The following HMX1 variants were observed in gnomAD, a reference collection of about 807,000 sequenced individuals.
HMX1 encodes the protein H6 family homeobox 1, also known as homeobox protein HMX1.
Under a neutral mutation model 8.9 loss-of-function variants are expected in HMX1, and 8 were observed. The ratio of observed to expected loss-of-function variants is 0.90; its 90% CI spans 0.53 to 1.63. The LOEUF is 1.63. HMX1 is among the 40% of genes most tolerant of loss of function. The pLI is 0.00. For missense variants in HMX1, 621 were observed against 558.5 expected, an observed-to-expected ratio of 1.11 and a Z score of -1.13; for synonymous variants, 311 against 283.4, an observed-to-expected ratio of 1.10 and a Z score of -0.98.
chr4:8,868,320 C>T lies in HMX1; in HGVS notation c.420G>A (p.Thr140=), dbSNP rs1722097544. 2 of 1,425,636 alleles carry T rather than the reference C, an allele frequency of 1.4e-6. No individual in the cohort carries two copies. The highest frequency in any genetic ancestry group is 5.8e-5 in the Admixed American group (2 of 34,452). The allele number at this position is 1,425,636 out of a possible 1,614,324, so 88.3% of individuals were successfully genotyped here. A position where few individuals can be genotyped will look rare whatever the true frequency, so the allele number is the denominator to read the frequency against. Residue 140 remains threonine, a synonymous_variant, in exon 2 of 2, where the codon ACG becomes ACA. Transcript: ENST00000400677. The surrounding 1 kb of genome is among the most constrained non-coding windows in gnomAD (Gnocchi z 4.6). ...PDTSDRDSPE[T]GEEMGRAEGA... is the part of the protein sequence containing the mutation. ...CCTCCGCACGGCCCATCTCCTCGCC[C>T]GTCTCCGGTGAGTCCCGGTCGCTGG...
rs182509379 is a variant in HMX1, at chr4:8,867,621, C to G, written c.*72G>C. 13,521 of 1,201,994 alleles carry G rather than the reference C, an allele frequency of 0.011. 93 individuals are homozygous for G. Among genetic ancestry groups the G allele is most frequent in the Non-Finnish European group, 0.013 (12,184 of 968,306 alleles). 74.5% of individuals were successfully genotyped at this position (1,201,994 alleles called of 1,614,324 possible). A position where few individuals can be genotyped will look rare whatever the true frequency, so the allele number is the denominator to read the frequency against. ...TCCCTTCCCTAACGCCCCCTGAGCC[C>G]TGCGCCTGCCGCTGAATCGCGCGTC... On this transcript the variant is annotated 3_prime_UTR_variant, in exon 2 of 2. Coordinates refer to ENST00000400677, the MANE Select transcript of HMX1 (RefSeq NM_018942.3).
In HMX1 at chr4:8,847,165, T is replaced by C. The variant is rs138988052; in HGVS notation, c.395-841A>G. ...AAGTACAAAGCCATTGAGCCGGGCGTGGTGAGGGATGCCTGTAATCCCAGC... is the reference window on the plus strand; with the variant it reads ...AAGTACAAAGCCATTGAGCCGGGCGCGGTGAGGGATGCCTGTAATCCCAGC... On this transcript the variant is annotated intron_variant, in intron 1 of 1. Transcript: ENST00000506970. This position sits in a 1 kb window ranked among gnomAD's most constrained non-coding sequence, Gnocchi z 6.0. Among the ~76,000 whole-genome samples the C allele has an allele frequency of 9.5e-4, 144 of 152,126 alleles. No homozygotes were observed. Among genetic ancestry groups the C allele is most frequent in the African/African-American group, 3.3e-3 (139 of 41,502 alleles).
downstream of HMX1, among the ~76,000 whole-genome samples, chr4:8,866,759 C>T (rs1722011595): frequency 6.6e-6 from 1 of 152,244 alleles, no homozygotes; most frequent in African/African-American, 2.4e-5. Context: ...TGGGCCTCTG[C>T]CTTCACCTGC....
rs921356519 is a variant in HMX1 at position 8,870,669 on chromosome 4, C to T, written c.394+552G>A. Among the ~76,000 whole-genome samples, 2 of 151,356 alleles carry T rather than the reference C, an allele frequency of 1.3e-5. No homozygotes were observed. The highest frequency in any genetic ancestry group is 1.3e-4 in the Admixed American group (2 of 15,212). On this transcript the variant is annotated intron_variant, in intron 1 of 1. Transcript: ENST00000400677. The surrounding 1 kb of genome is among the most constrained non-coding windows in gnomAD (Gnocchi z 4.4). The stretch of plus-strand genomic sequence containing the variant: ...CCTCCCCGGCCCCACCCCCACAACA[C>T]TGCACCCTCTGCTCAATGCCCCCTT...
chr4:8,858,226 C>T (rs547228956), intron 1 of HMX1, among the ~76,000 whole-genome samples: 2 of 152,200 alleles, frequency 1.3e-5, no homozygotes, highest in Admixed American at 1.3e-4. Flanking sequence ...TGCGGTTACG[C>T]GCGCGGAGCT....
chr4:8,859,189 G>C (rs4956757), intron 1 of HMX1: 37,380 of 149,812 alleles, frequency 0.25, 5,508 homozygotes, highest in East Asian at 0.65. Flanking sequence ...TCCAAGGCTG[G>C]CCCCCCCCCA....
chr4:8,868,244 C>T lies in HMX1; in HGVS notation c.496G>A (p.Glu166Lys). ...GCCGCCGGGCCACGCGCCGCCAGCT[C>T]CGCTGCCTCCCGCTGCACCGCTCCC... The part of the protein sequence containing the change: ...GPGAVQREAA[E>K]LAARGPAAGT... Residue 166 changes from glutamate to lysine, a missense_variant, in exon 2 of 2, where the codon GAG (glutamate) becomes AAG (lysine). Glu to Lys is a moderately conservative substitution (Grantham distance 56, BLOSUM62 1). Coordinates refer to ENST00000400677, the MANE Select transcript of HMX1 (RefSeq NM_018942.3). The surrounding 1 kb of genome is among the most constrained non-coding windows in gnomAD (Gnocchi z 4.6). The T allele has an allele frequency of 1.4e-6, 2 of 1,434,746 alleles. No individual in the cohort carries two copies. The highest frequency in any genetic ancestry group is 1.8e-6 in the Non-Finnish European group (2 of 1,100,346). The allele number at this position is 1,434,746 out of a possible 1,614,324, so 88.9% of individuals were successfully genotyped here. A position where few individuals can be genotyped will look rare whatever the true frequency, so the allele number is the denominator to read the frequency against.
chr4:8,868,825 C>T lies in HMX1; in HGVS notation c.395-480G>A, dbSNP rs950665643. 3.9e-5 allele frequency among the ~76,000 whole-genome samples: 6 copies of T among 152,152 alleles called. No individual in the cohort carries two copies. The highest frequency in any genetic ancestry group is 1.4e-4 in the African/African-American group (6 of 41,436). On this transcript the variant is annotated intron_variant, in intron 1 of 1. Coordinates refer to ENST00000400677, the MANE Select transcript of HMX1 (RefSeq NM_018942.3). This position sits in a 1 kb window ranked among gnomAD's most constrained non-coding sequence, Gnocchi z 4.6. ...AACAAGCACAGGACACCCCCTGCCA[C>T]CTGGCATCCAGCCCCACGCCAAGCT...
At chr4:8,855,862 G>C (rs1396010877) in intron 1 of HMX1, among the ~76,000 whole-genome samples, 1 of 152,158 alleles carries the variant, frequency 6.6e-6, no homozygotes, top group Admixed American at 6.5e-5. Flanking sequence ...CTGAAAGCAG[G>C]ATCCAGCGGG....
At position 8,860,448 on chromosome 4, in the gene HMX1, A is replaced by T. The variant is rs1197463947; in HGVS notation, c.394+10773T>A. On this transcript the variant is annotated intron_variant, in intron 1 of 1. Coordinates refer to the HMX1 transcript ENST00000506970. ...CCCCGCTACGATGACCACTCCGCAG[A>T]TGGGCAAGACGGGCTCAGAGAGATG... is the stretch of plus-strand genomic sequence containing the variant. Among the ~76,000 whole-genome samples the T allele has an allele frequency of 2.0e-5, 3 of 152,232 alleles. No individual in the cohort carries two copies. In the South Asian group the frequency reaches 6.2e-4, roughly 31 times the overall value.
chr4:8,866,264 C>A (rs560718359), downstream of HMX1, among the ~76,000 whole-genome samples: 1 of 152,350 alleles, frequency 6.6e-6, no homozygotes, highest in Admixed American at 6.5e-5. Flanking sequence ...CCAAGACCAG[C>A]GTATGGCCCG....
At chr4:8,860,038 G>A (rs1011706948) in intron 1 of HMX1, among the ~76,000 whole-genome samples, 1 of 152,222 alleles carries the variant, frequency 6.6e-6, no homozygotes, top group South Asian at 2.1e-4. Context: ...CGGGGCCAAC[G>A]GCGGTGCTGA....
Position 8,867,773 on chromosome 4 carries a change from C to T in HMX1, c.967G>A (p.Ala323Thr), listed in dbSNP as rs1272476337. The change falls in exon 2 of 2, where the codon GCC (alanine) becomes ACC (threonine). Residue 323 changes from alanine to threonine, a missense_variant. Ala to Thr is a moderately conservative substitution (Grantham distance 58, BLOSUM62 0). Transcript: ENST00000400677. The stretch of plus-strand genomic sequence containing the variant: ...AAGGCGGCCAGCGGGTAGGCGAGGG[C>T]CCCGGAGAAGCCGAGCAGCGGTGGG... ...PPPPLLGFSG[A>T]LAYPLAAFPA... 1.9e-5 allele frequency: 24 copies of T among 1,272,402 alleles called. No homozygotes were observed. In the Admixed American group the frequency reaches 2.4e-4, roughly 12 times the overall value. 78.8% of individuals were successfully genotyped at this position (1,272,402 alleles called of 1,614,324 possible).
intron 1 of HMX1, among the ~76,000 whole-genome samples, chr4:8,858,112 C>CG (rs1357084296): frequency 6.6e-6 from 1 of 151,876 alleles, no homozygotes; most frequent in Non-Finnish European, 1.5e-5. Flanking sequence ...GCAGGCCGAC[C>CG]GCCCCCAAGC....
chr4:8,871,481 T>C lies in HMX1; in HGVS notation c.134A>G (p.Glu45Gly). The C allele has an allele frequency of 7.5e-7, 1 of 1,341,318 alleles. No individual in the cohort carries two copies. Among genetic ancestry groups the C allele is most frequent in the Non-Finnish European group, 9.6e-7 (1 of 1,040,454 alleles). The allele number at this position is 1,341,318 out of a possible 1,614,324, so 83.1% of individuals were successfully genotyped here. A position where few individuals can be genotyped will look rare whatever the true frequency, so the allele number is the denominator to read the frequency against. ...ATQGDGSRED[E>G]EEDDDDPEDE... Reference sequence around the variant, plus strand: ...TTCGGGGTCGTCGTCGTCCTCCTCCTCGTCCTCCCGGCTGCCGTCGCCCTG... The same window carrying C: ...TTCGGGGTCGTCGTCGTCCTCCTCCCCGTCCTCCCGGCTGCCGTCGCCCTG... The change falls in exon 1 of 2, where the codon GAG (glutamate) becomes GGG (glycine). Residue 45 changes from glutamate (E) to glycine (G), a missense_variant. Glu to Gly is a moderately conservative substitution (Grantham distance 98). Coordinates refer to ENST00000400677, the MANE Select transcript of HMX1 (RefSeq NM_018942.3). This position sits in a 1 kb window ranked among gnomAD's most constrained non-coding sequence, Gnocchi z 4.8.
chr4:8,857,575 C>G (rs1392691517), intron 1 of HMX1, among the ~76,000 whole-genome samples: 1 of 151,750 alleles, frequency 6.6e-6, no homozygotes, highest in African/African-American at 2.4e-5. Flanking sequence ...GGCCTCCGCA[C>G]CCCCCCGCCC....
At chr4:8,861,329 C>G (rs938944035) in intron 1 of HMX1, among the ~76,000 whole-genome samples, 1 of 152,212 alleles carries the variant, frequency 6.6e-6, no homozygotes, top group African/African-American at 2.4e-5. Flanking sequence ...GGGTCGGGAT[C>G]AGAGCGCCGC....
intron 1 of HMX1, among the ~76,000 whole-genome samples, chr4:8,869,875 G>C (rs1722151147): frequency 6.6e-6 from 1 of 152,180 alleles, no homozygotes; most frequent in African/African-American, 2.4e-5. Flanking sequence ...TGCACCCCAG[G>C]GATGAGTGGA....
Position 8,849,414 on chromosome 4 carries a change from C to T in HMX1, c.395-3090G>A, listed in dbSNP as rs563374844. 6.6e-6 allele frequency among the ~76,000 whole-genome samples: 1 copy of T among 152,000 alleles called. No individual in the cohort carries two copies. The highest frequency in any genetic ancestry group is 2.4e-5 in the African/African-American group (1 of 41,390). On this transcript the variant is annotated intron_variant, in intron 1 of 1. Transcript: ENST00000506970. This position sits in a 1 kb window ranked among gnomAD's most constrained non-coding sequence, Gnocchi z 6.6. ...AAGGAGAAGGCGGGCACTCAGCTGG[C>T]ACCACGTGGCCTTGAGCCACAGATT...
Sources: gnomAD v4.1 joint callset for allele counts (sites outside exome capture counted in the v4.1 genomes callset) on GRCh38, gnomAD v4.1.1 for gene constraint, Gnocchi (gnomAD v3.1) non-coding constraint, MANE v1.5 for transcripts, NCBI Gene and HGNC (gene_info 2026-07-23, HGNC 2026-07-21) for gene names.